Variants in CTNNA3 observed in about 807,000 individuals in gnomAD.
CTNNA3 encodes catenin alpha 3.
A neutral mutation model predicts 95.7 loss-of-function variants in CTNNA3; 76 were observed. The ratio of observed to expected loss-of-function variants is 0.79; its 90% CI spans 0.66 to 0.96. The LOEUF (loss-of-function observed/expected upper bound fraction) is 0.96, where lower values mean the gene tolerates loss of function less well. Ranked by LOEUF, CTNNA3 falls within the 40% of genes least tolerant of loss-of-function variation. The pLI is 0.00. For synonymous variants in CTNNA3, 431 were observed against 374.4 expected, an observed-to-expected ratio of 1.15 and a Z score of -1.74; for missense variants, 1,191 against 1,089.8, an observed-to-expected ratio of 1.09 and a Z score of -1.31.
chr10:66,557,143 T>A lies in CTNNA3; in HGVS notation c.1375-36370A>T, dbSNP rs1842415892. Among the ~76,000 whole-genome samples the A allele has an allele frequency of 2.0e-5, 3 of 152,092 alleles. No homozygotes were observed. The South Asian group carries it at 6.2e-4, about 32-fold the overall frequency. On this transcript the variant is annotated intron_variant, in intron 10 of 17. Transcript: ENST00000433211. ...TCAGAACTAAGCATCTGAAAGAACA[T>A]ACATTCTCTATTTTTTGTTGAATTG...
chr10:67,184,278 C>T (rs1468135183), intron 6 of CTNNA3, among the ~76,000 whole-genome samples: 4 of 152,144 alleles, frequency 2.6e-5, no homozygotes, highest in Non-Finnish European at 4.4e-5. Context: ...TGCTTCGACT[C>T]GATTACTTCC....
At chr10:67,006,421 T>C (rs920556181) in intron 7 of CTNNA3, among the ~76,000 whole-genome samples, 6 of 152,198 alleles carry the variant, frequency 3.9e-5, no homozygotes, top group African/African-American at 1.4e-4. Flanking sequence ...CTGTGCTATG[T>C]ATATACTACT....
chr10:67,559,389 T>C (rs1841395857), intron 3 of CTNNA3, among the ~76,000 whole-genome samples: 1 of 151,964 alleles, frequency 6.6e-6, no homozygotes, highest in Admixed American at 6.6e-5. Flanking sequence ...GGGTCTGGAG[T>C]GGACCTCTAG....
chr10:65,951,372 A>G (rs1267195985), intron 17 of CTNNA3, among the ~76,000 whole-genome samples: 2 of 152,250 alleles, frequency 1.3e-5, no homozygotes, highest in Admixed American at 1.3e-4. Flanking sequence ...AAAGAGATTA[A>G]TGTCTAGACT....
rs1336248575 is a variant in CTNNA3 at position 66,668,871 on chromosome 10, T to A, written c.1282-47087A>T. ...TATTCTATATATATATATCTCATTG[T>A]GCAAAGTTCCCAAATTAGACATTTT... is the stretch of plus-strand genomic sequence containing the variant. On this transcript the variant is annotated intron_variant, in intron 9 of 17. Transcript: ENST00000433211. Among the ~76,000 whole-genome samples, 5 of 152,166 alleles carry A rather than the reference T, an allele frequency of 3.3e-5. No homozygotes were observed. The East Asian group carries it at 9.7e-4, about 29-fold the overall frequency.
chr10:67,612,779 G>C (rs564200954), intron 2 of CTNNA3, among the ~76,000 whole-genome samples: 3 of 152,224 alleles, frequency 2.0e-5, no homozygotes, highest in South Asian at 2.1e-4. Flanking sequence ...ATCTGGGCTA[G>C]TCTCTCTCTC....
chr10:66,730,706 T>G (rs536100972), intron 9 of CTNNA3, among the ~76,000 whole-genome samples: 1 of 152,266 alleles, frequency 6.6e-6, no homozygotes, highest in East Asian at 1.9e-4. Flanking sequence ...TATCACATGG[T>G]GAATAAGGCA....
chr10:67,343,462 A>ATC (rs1360109506), intron 5 of CTNNA3, among the ~76,000 whole-genome samples: 1 of 152,014 alleles, frequency 6.6e-6, no homozygotes, highest in Non-Finnish European at 1.5e-5. Flanking sequence ...CATTATAAAG[A>ATC]TCTTTCACTT....
chr10:67,246,983 T>C (rs1332643957), intron 5 of CTNNA3, among the ~76,000 whole-genome samples: 2 of 152,204 alleles, frequency 1.3e-5, no homozygotes, highest in Admixed American at 6.5e-5. Flanking sequence ...AAGGAATGCA[T>C]ACTCAGAGAC....
intron 10 of CTNNA3, among the ~76,000 whole-genome samples, chr10:66,580,619 A>G (rs886065421): frequency 2.0e-5 from 3 of 151,738 alleles, no homozygotes; most frequent in Non-Finnish European, 3.0e-5. Context: ...ATGACAAGTG[A>G]TGTTTGAATG....
intron 5 of CTNNA3, among the ~76,000 whole-genome samples, chr10:67,298,384 T>C (rs1840130125): frequency 6.6e-6 from 1 of 152,186 alleles, no homozygotes; most frequent in African/African-American, 2.4e-5. Flanking sequence ...TAATAATCTG[T>C]TTTTCACTTT....
At chr10:67,063,097 C>A (rs1419292378) in intron 7 of CTNNA3, among the ~76,000 whole-genome samples, 4 of 152,082 alleles carry the variant, frequency 2.6e-5, no homozygotes, top group Admixed American at 2.6e-4. Flanking sequence ...CAAACCCTGA[C>A]CGATGCAGTA....
chr10:65,922,786 TACAA>T (rs2077109527), intron 17 of CTNNA3, among the ~76,000 whole-genome samples: 1 of 152,174 alleles, frequency 6.6e-6, no homozygotes, highest in Non-Finnish European at 1.5e-5. Flanking sequence ...TACACACTAC[TACAA>T]AGATACTACC....
intron 5 of CTNNA3, among the ~76,000 whole-genome samples, chr10:67,456,798 A>C (rs1847189424): frequency 6.6e-6 from 1 of 152,188 alleles, no homozygotes; most frequent in African/African-American, 2.4e-5. Flanking sequence ...GGATGGCTAA[A>C]TGCAGTCTAG....
intron 12 of CTNNA3, among the ~76,000 whole-genome samples, chr10:66,334,184 G>A (rs1377742607): frequency 2.6e-5 from 4 of 151,968 alleles, no homozygotes; most frequent in South Asian, 2.1e-4. Context: ...TCTTTATCCA[G>A]TTTGCCAGTC....
At chr10:66,111,089 T>C (rs1326424509) in intron 13 of CTNNA3, among the ~76,000 whole-genome samples, 1 of 152,204 alleles carries the variant, frequency 6.6e-6, no homozygotes, top group Non-Finnish European at 1.5e-5. Context: ...CATGTCGAAT[T>C]GTTATCCACA....
chr10:66,159,230 T>G (rs2084711051), intron 13 of CTNNA3, among the ~76,000 whole-genome samples: 1 of 152,106 alleles, frequency 6.6e-6, no homozygotes, highest in African/African-American at 2.4e-5. Context: ...ACGCTTGTGT[T>G]GTTCCAGGTC....
intron 7 of CTNNA3, among the ~76,000 whole-genome samples, chr10:67,125,966 C>T (rs1213795402): frequency 2.0e-5 from 3 of 152,234 alleles, no homozygotes; most frequent in Non-Finnish European, 2.9e-5. Flanking sequence ...GTACTTTATG[C>T]TTGGTTTTTC....
At chr10:66,906,736 A>G (rs2132544946) in intron 7 of CTNNA3, among the ~76,000 whole-genome samples, 1 of 152,158 alleles carries the variant, frequency 6.6e-6, no homozygotes, top group East Asian at 1.9e-4. Flanking sequence ...AACTTTTTAA[A>G]GTAGAATGAT....
Sources: allele counts gnomAD v4.1 joint callset (sites outside exome capture counted in the v4.1 genomes callset), GRCh38; gene constraint gnomAD v4.1.1; transcripts MANE v1.5; gene names NCBI Gene and HGNC (gene_info 2026-07-23, HGNC 2026-07-21).